The following NEGR1 variants were observed in gnomAD, a reference collection of about 807,000 sequenced individuals.
NEGR1 encodes neuronal growth regulator 1, also known as IgLON family member 4.
A neutral mutation model predicts 40.9 loss-of-function variants in NEGR1; 10 were observed. The ratio of observed to expected loss-of-function variants is 0.24; its 90% CI spans 0.15 to 0.42. The LOEUF (loss-of-function observed/expected upper bound fraction) is 0.42, where lower values mean the gene tolerates loss of function less well. NEGR1 is among the 10% of genes least tolerant of loss of function. NEGR1 has a pLI of 1.00. For synonymous variants in NEGR1, 185 were observed against 166.8 expected, an observed-to-expected ratio of 1.11 and a Z score of -0.84; for missense variants, 352 against 438.9, an observed-to-expected ratio of 0.80 and a Z score of 1.77.
chr1:71,470,908 G>C (rs774281560), intron 6 of NEGR1, among the ~76,000 whole-genome samples: 12 of 152,034 alleles, frequency 7.9e-5, no homozygotes, highest in Middle Eastern at 3.4e-3. Context: ...ATTTTTCTTT[G>C]ATTTCCCTTT....
intron 6 of NEGR1, among the ~76,000 whole-genome samples, chr1:71,497,192 T>G (rs1646969872): frequency 6.6e-6 from 1 of 152,186 alleles, no homozygotes. Flanking sequence ...GATCAATTGA[T>G]AGACGTTTTT....
chr1:71,617,068 A>G (rs1487554687), intron 4 of NEGR1, among the ~76,000 whole-genome samples: 1 of 152,210 alleles, frequency 6.6e-6, no homozygotes, highest in Non-Finnish European at 1.5e-5. Flanking sequence ...CAAAAGGAAA[A>G]AAACATAAAC....
At chr1:71,576,227 A>G (rs1159949066) in intron 6 of NEGR1, among the ~76,000 whole-genome samples, 1 of 152,188 alleles carries the variant, frequency 6.6e-6, no homozygotes, top group African/African-American at 2.4e-5. Context: ...GGAGCTGATC[A>G]TTGGTGTATA....
At chr1:72,016,772 G>C (rs904876762) in intron 1 of NEGR1, among the ~76,000 whole-genome samples, 2 of 152,164 alleles carry the variant, frequency 1.3e-5, no homozygotes, top group Admixed American at 1.3e-4. Context: ...TTTACCAGAC[G>C]TAATGAGCAG....
At chr1:71,811,422 TC>T (rs1379682237) in intron 2 of NEGR1, among the ~76,000 whole-genome samples, 1 of 152,060 alleles carries the variant, frequency 6.6e-6, no homozygotes, top group Non-Finnish European at 1.5e-5. Flanking sequence ...CTTATTCAGA[TC>T]CAATGTCACC....
intron 4 of NEGR1, among the ~76,000 whole-genome samples, chr1:71,664,874 T>C (rs1652187841): frequency 6.6e-6 from 1 of 152,212 alleles, no homozygotes. Flanking sequence ...ACTTACTTTA[T>C]CTAGAGAAAT....
chr1:71,967,143 C>G (rs1646216371), intron 1 of NEGR1, among the ~76,000 whole-genome samples: 1 of 151,900 alleles, frequency 6.6e-6, no homozygotes. Flanking sequence ...TAGATTCTGA[C>G]AAAAACATGA....
At chr1:71,792,512 T>C (rs112793759) in intron 2 of NEGR1, among the ~76,000 whole-genome samples, 2,778 of 152,340 alleles carry the variant, frequency 0.018, 45 homozygotes, top group Non-Finnish European at 0.028. Context: ...GTATTGTTTT[T>C]CATTTCCAGA....
At chr1:71,918,632 T>C (rs1661672568) in intron 2 of NEGR1, among the ~76,000 whole-genome samples, 1 of 151,938 alleles carries the variant, frequency 6.6e-6, no homozygotes, top group Non-Finnish European at 1.5e-5. Context: ...AAAACACACA[T>C]AGCTTTTTGG....
intron 2 of NEGR1, among the ~76,000 whole-genome samples, chr1:71,925,723 T>C (rs916823503): frequency 2.0e-5 from 2 of 101,936 alleles, no homozygotes; most frequent in African/African-American, 1.1e-4. Context: ...ATATACATGA[T>C]TTGGGAAAAA....
intron 1 of NEGR1, among the ~76,000 whole-genome samples, chr1:72,119,734 T>C (rs1470134651): frequency 6.6e-6 from 1 of 151,920 alleles, no homozygotes; most frequent in African/African-American, 2.4e-5. Context: ...ATGTAGTGGA[T>C]ACTGTTAAAT....
At chr1:71,489,161 T>G (rs1397631155) in intron 6 of NEGR1, among the ~76,000 whole-genome samples, 1 of 151,812 alleles carries the variant, frequency 6.6e-6, no homozygotes, top group Non-Finnish European at 1.5e-5. Flanking sequence ...AGGCAAATAT[T>G]CCCTTTCTCT....
intron 1 of NEGR1, among the ~76,000 whole-genome samples, chr1:72,273,874 C>T (rs1275903715): frequency 6.6e-6 from 1 of 151,462 alleles, no homozygotes; most frequent in African/African-American, 2.4e-5. Flanking sequence ...CTTCACTTAC[C>T]CTTCCATTGA....
chr1:72,109,757 A>C (rs1007095013), intron 1 of NEGR1, among the ~76,000 whole-genome samples: 1 of 151,672 alleles, frequency 6.6e-6, no homozygotes, highest in African/African-American at 2.4e-5. Context: ...TAATCCACCC[A>C]ACATTTGCAC....
chr1:71,411,460 C>T (rs1646320675), intron 6 of NEGR1, among the ~76,000 whole-genome samples: 1 of 152,130 alleles, frequency 6.6e-6, no homozygotes, highest in Non-Finnish European at 1.5e-5. Flanking sequence ...CTAGTTGAGC[C>T]TCTGGGATGG....
intron 3 of NEGR1, among the ~76,000 whole-genome samples, chr1:71,712,299 A>G (rs1217169552): frequency 1.3e-5 from 2 of 152,254 alleles, no homozygotes; most frequent in Non-Finnish European, 2.9e-5. Context: ...CTAAGAAACC[A>G]CATCAAAATG....
chr1:71,794,888 A>T (rs1657263875), intron 2 of NEGR1, among the ~76,000 whole-genome samples: 1 of 152,080 alleles, frequency 6.6e-6, no homozygotes, highest in Non-Finnish European at 1.5e-5. Flanking sequence ...CAACAAGTCA[A>T]AATGTTAAAA....
At chr1:71,547,864 CT>C (rs1647953510) in intron 6 of NEGR1, among the ~76,000 whole-genome samples, 1 of 151,726 alleles carries the variant, frequency 6.6e-6, no homozygotes, top group Non-Finnish European at 1.5e-5. Context: ...TGGTATACAA[CT>C]TTGCTCTGAA....
At chr1:71,989,378 C>T (rs1007852757) in intron 1 of NEGR1, among the ~76,000 whole-genome samples, 1 of 152,088 alleles carries the variant, frequency 6.6e-6, no homozygotes, top group Admixed American at 6.5e-5. Flanking sequence ...GTGGCTATTT[C>T]AAAAGCTGAT....
Sources: gnomAD v4.1 joint callset for allele counts (sites outside exome capture counted in the v4.1 genomes callset) on GRCh38, gnomAD v4.1.1 for gene constraint, MANE v1.5 for transcripts, NCBI Gene and HGNC (gene_info 2026-07-23, HGNC 2026-07-21) for gene names.